Variants in DOP1A observed in about 807,000 individuals in gnomAD.
DOP1A encodes DOP1 leucine zipper like protein A.
DOP1A carries 90 observed loss-of-function variants against 267.6 expected under a neutral mutation model. The ratio of observed to expected loss-of-function variants is 0.34; its 90% CI spans 0.28 to 0.40. The LOEUF (loss-of-function observed/expected upper bound fraction) is 0.40, where lower values mean the gene tolerates loss of function less well. DOP1A is among the 10% of genes least tolerant of loss of function. DOP1A has a pLI of 1.00. For synonymous variants in DOP1A, 932 were observed against 999.1 expected (o/e 0.93, Z 1.27); for missense variants, 2,437 against 2,900.4 (o/e 0.84, Z 3.67).
chr6:83,091,562 C>T (rs866617910), intron 1 of DOP1A, among the ~76,000 whole-genome samples: 3 of 151,988 alleles, frequency 2.0e-5, no homozygotes, highest in Non-Finnish European at 2.9e-5. Context: ...GAGTTATAAG[C>T]CTTACAGACA....
intron 15 of DOP1A, among the ~76,000 whole-genome samples, chr6:83,126,187 G>T (rs1165607415): frequency 6.6e-6 from 1 of 150,912 alleles, no homozygotes; most frequent in Non-Finnish European, 1.5e-5. Context: ...TACAAAAGAG[G>T]CTAAAACAAA....
intron 7 of DOP1A, among the ~76,000 whole-genome samples, chr6:83,117,655 G>C (rs1775681758): frequency 6.6e-6 from 1 of 152,096 alleles, no homozygotes; most frequent in Non-Finnish European, 1.5e-5. Context: ...TGCATGATCA[G>C]GGCATATGTC....
intron 6 of DOP1A, among the ~76,000 whole-genome samples, chr6:83,111,169 C>T (rs1317683226): frequency 6.6e-6 from 1 of 152,004 alleles, no homozygotes; most frequent in Non-Finnish European, 1.5e-5. Context: ...AGGCTGGCCT[C>T]GAACTCCTGA....
intron 6 of DOP1A, among the ~76,000 whole-genome samples, chr6:83,112,270 T>G (rs1324826338): frequency 6.6e-6 from 1 of 152,000 alleles, no homozygotes; most frequent in Non-Finnish European, 1.5e-5. Flanking sequence ...GAAATAAGAA[T>G]AATTTGAACA....
intron 38 of DOP1A, 151 bp downstream of exon 38, chr6:83,163,070 G>A (rs1784610658): frequency 1.3e-6 from 1 of 770,124 alleles, no homozygotes; most frequent in Non-Finnish European, 2.0e-6. Context: ...ATGTCCATAA[G>A]CCTCATATTT....
At chr6:83,164,760 G>A (rs1279619631) in intron 38 of DOP1A, 3 of 1,536,542 alleles carry the variant, frequency 2.0e-6, no homozygotes, top group Non-Finnish European at 2.6e-6. Context: ...GGCAGCAAAA[G>A]TTGCCAAATA....
chr6:83,129,608 C>CT lies in DOP1A; in HGVS notation c.2341+107dup, dbSNP rs1777717828. The CT allele has an allele frequency of 2.5e-6, 3 of 1,189,988 alleles. No individual in the cohort carries two copies. The South Asian group carries it at 7.7e-5, about 31-fold the overall frequency. The allele number at this position is 1,189,988 out of a possible 1,614,324, so 73.7% of individuals were successfully genotyped here. A position where few individuals can be genotyped will look rare whatever the true frequency, so the allele number is the denominator to read the frequency against. Reference sequence around the variant, plus strand: ...AAACTGGGGTTTTTTTAGCCAGTTACTTTTTTTAATGTTTTAATTTGCAAG... The same window carrying CT: ...AAACTGGGGTTTTTTTAGCCAGTTACTTTTTTTTAATGTTTTAATTTGCAAG... On this transcript the variant is annotated intron_variant, in intron 16 of 38. Transcript: ENST00000349129.
chr6:83,077,498 G>A (rs1258429898), intron 1 of DOP1A, among the ~76,000 whole-genome samples: 4 of 151,552 alleles, frequency 2.6e-5, no homozygotes, highest in Non-Finnish European at 5.9e-5. Context: ...GTAAGACCCT[G>A]TCTACAAAAA....
intron 12 of DOP1A, among the ~76,000 whole-genome samples, chr6:83,123,635 G>C (rs1308349391): frequency 6.6e-6 from 1 of 152,048 alleles, no homozygotes; most frequent in Non-Finnish European, 1.5e-5. Context: ...AATCTCTTTA[G>C]TGGTTTAGAA....
chr6:83,111,191 C>A (rs1201922620), intron 6 of DOP1A, among the ~76,000 whole-genome samples: 1 of 152,058 alleles, frequency 6.6e-6, no homozygotes, highest in South Asian at 2.1e-4. Flanking sequence ...CTCAGGTAAT[C>A]CACCCACCTC....
intron 1 of DOP1A, among the ~76,000 whole-genome samples, chr6:83,073,288 A>G (rs1215055008): frequency 3.3e-5 from 5 of 152,102 alleles, no homozygotes; most frequent in African/African-American, 9.7e-5. Context: ...GGGTTTCACC[A>G]TGTTGGCCAG....
chr6:83,128,891 C>A lies in DOP1A; in HGVS notation c.1724C>A (p.Ser575Ter). 2 of 1,521,066 alleles carry A rather than the reference C, an allele frequency of 1.3e-6. No individual in the cohort carries two copies. Among genetic ancestry groups the A allele is most frequent in the South Asian group, 2.7e-5 (2 of 75,066 alleles). 94.2% of individuals were successfully genotyped at this position (1,521,066 alleles called of 1,614,324 possible). ...SVKEWEDKKV[S>*]SVSHENPTEV... is the part of the protein sequence containing the mutation. ...TTTCTTAAAAATCTCTAACAGGTATCATCAGTTTCTCATGAAAATCCTACT... is the reference window on the plus strand; with the variant it reads ...TTTCTTAAAAATCTCTAACAGGTATAATCAGTTTCTCATGAAAATCCTACT... The change falls in exon 16 of 39, where the codon TCA becomes TAA. Residue 575 changes from serine (S) to a stop codon, truncating the protein, a stop_gained. Transcript: ENST00000349129. LOFTEE classifies it high-confidence loss of function.
At position 83,167,889 on chromosome 6, in the gene DOP1A, A is replaced by G; in HGVS notation, c.7120A>G (p.Arg2374Gly). 6.2e-7 allele frequency: 1 copy of G among 1,611,982 alleles called. No homozygotes were observed. The highest frequency in any genetic ancestry group is 1.1e-5 in the South Asian group (1 of 90,796). ...AAATCCAGAGGAAGACAACTCAGGGAGAACATTGGGTTGGGAGCCAGGGCA... is the reference window on the plus strand; with the variant it reads ...AAATCCAGAGGAAGACAACTCAGGGGGAACATTGGGTTGGGAGCCAGGGCA... ...KKNPEEDNSG[R>G]TLGWEPGHLL... is the part of the protein sequence containing the mutation. Residue 2374 changes from arginine to glycine, a missense_variant, in exon 39 of 39, where the codon AGA (arginine) becomes GGA (glycine). This residue lies in a region of DOP1A where 197 missense variants were observed against 246.5 expected (regional missense o/e 0.80). Transcript: ENST00000349129.
intron 1 of DOP1A, among the ~76,000 whole-genome samples, chr6:83,086,757 A>G (rs1167183644): frequency 1.3e-5 from 2 of 152,194 alleles, no homozygotes; most frequent in African/African-American, 4.8e-5. Flanking sequence ...GGACAGTCCC[A>G]TAGGCATTTC....
At chr6:83,119,937 T>A in intron 9 of DOP1A, 80 bp downstream of exon 9, 3 of 1,147,548 alleles carry the variant, frequency 2.6e-6, no homozygotes, top group Non-Finnish European at 3.7e-6. Flanking sequence ...GGTCTTGCCT[T>A]AATTGAATTC....
chr6:83,158,974 G>A lies in DOP1A; in HGVS notation c.6797+352G>A, dbSNP rs62419256. Among the ~76,000 whole-genome samples the A allele has an allele frequency of 1.3e-3, 202 of 152,228 alleles. 2 individuals carry two copies. The highest frequency in any genetic ancestry group is 2.1e-3 in the Non-Finnish European group (145 of 68,024). ...TAGGTAACCTGGAACCAGGCTATTC[G>A]TATATGCAGATCTTCCAGATGGTCC... On this transcript the variant is annotated intron_variant, in intron 36 of 38. Transcript: ENST00000349129.
chr6:83,132,172 A>G lies in DOP1A; in HGVS notation c.2617-4A>G, dbSNP rs1239431580. ...TGACTGTCACTTTTACATCTTTTTT[A>G]TAGCATGTAGCTTTAACATTGTGGG... is the stretch of plus-strand genomic sequence containing the variant. On this transcript the variant is annotated splice_region_variant and splice_polypyrimidine_tract_variant and intron_variant, in intron 17 of 38. Transcript: ENST00000349129. The G allele has an allele frequency of 1.2e-6, 2 of 1,602,970 alleles. No homozygotes were observed. The highest frequency in any genetic ancestry group is 3.3e-5 in the Admixed American group (2 of 59,768).
chr6:83,128,394 C>T (rs1244736118), intron 15 of DOP1A, among the ~76,000 whole-genome samples: 1 of 152,062 alleles, frequency 6.6e-6, no homozygotes, highest in Non-Finnish European at 1.5e-5. Flanking sequence ...CAGTGTCTGG[C>T]ACATGATAGG....
At chr6:83,091,244 A>G (rs985340644) in intron 1 of DOP1A, among the ~76,000 whole-genome samples, 1 of 152,106 alleles carries the variant, frequency 6.6e-6, no homozygotes, top group Non-Finnish European at 1.5e-5. Context: ...CCCACAGCAC[A>G]TGGGAATTCA....
Sources: gnomAD v4.1 joint callset for allele counts (sites outside exome capture counted in the v4.1 genomes callset) on GRCh38, gnomAD v4.1.1 for gene constraint, gnomAD v4.1.1 regional missense constraint, MANE v1.5 for transcripts, NCBI Gene and HGNC (gene_info 2026-07-23, HGNC 2026-07-21) for gene names.